MSRA: variants seen among roughly 807,000 people sequenced by gnomAD.
MSRA encodes the protein mitochondrial peptide methionine sulfoxide reductase.
In MSRA, 54 loss-of-function variants were observed where a neutral mutation model predicts 31.3. The observed-to-expected ratio is 1.73, with a 90% CI of 1.39 to 2.17. The LOEUF is 2.17. MSRA is among the 30% of genes most tolerant of loss of function. MSRA has a pLI of 0.00. For missense variants in MSRA, 507 were observed against 300.9 expected (o/e 1.69, Z -5.07); for synonymous variants, 169 against 116.5 (o/e 1.45, Z -2.90).
chr8:10,217,335 G>A (rs1163291159), intron 2 of MSRA, among the ~76,000 whole-genome samples: 2 of 152,178 alleles, frequency 1.3e-5, no homozygotes, highest in Admixed American at 1.3e-4. Context: ...CTTTGGGCTC[G>A]TGACCCTCTC....
At chr8:10,388,047 C>T (rs116937423) in intron 5 of MSRA, among the ~76,000 whole-genome samples, 157 of 152,236 alleles carry the variant, frequency 1.0e-3, no homozygotes, top group Admixed American at 1.9e-3. Context: ...TCCAATGGAG[C>T]CCTTGTAACA....
At chr8:10,234,846 TA>T (rs893341689) in intron 2 of MSRA, among the ~76,000 whole-genome samples, 15 of 152,068 alleles carry the variant, frequency 9.9e-5, no homozygotes, top group African/African-American at 2.9e-4. Flanking sequence ...TTAAAAATAC[TA>T]AACAATAACA....
At chr8:10,339,672 G>C (rs1803292790) in intron 5 of MSRA, among the ~76,000 whole-genome samples, 1 of 151,098 alleles carries the variant, frequency 6.6e-6, no homozygotes, top group South Asian at 2.1e-4. Flanking sequence ...CTCCCGACTA[G>C]GTGGGGCTAC....
At chr8:10,079,361 C>T (rs185497722) in intron 1 of MSRA, among the ~76,000 whole-genome samples, 163 of 152,164 alleles carry the variant, frequency 1.1e-3, no homozygotes, top group African/African-American at 3.7e-3. Flanking sequence ...CGCCATGTTG[C>T]CCAGGCTTGT....
intron 1 of MSRA, among the ~76,000 whole-genome samples, chr8:10,114,678 G>C (rs1216686551): frequency 6.6e-6 from 1 of 152,186 alleles, no homozygotes; most frequent in Non-Finnish European, 1.5e-5. Context: ...GTGGATAATT[G>C]AAGTGACGGG....
At chr8:10,246,082 C>T (rs945817654) in intron 3 of MSRA, among the ~76,000 whole-genome samples, 1 of 152,210 alleles carries the variant, frequency 6.6e-6, no homozygotes, top group Non-Finnish European at 1.5e-5. Flanking sequence ...TAGGCCAAAT[C>T]CCACTTGCTG....
At chr8:10,144,571 G>T (rs1802978006) in intron 1 of MSRA, among the ~76,000 whole-genome samples, 1 of 152,152 alleles carries the variant, frequency 6.6e-6, no homozygotes, top group Admixed American at 6.5e-5. Flanking sequence ...CCAAATACCA[G>T]TAAGGTGTTG....
At chr8:10,070,188 G>A (rs928436678) in intron 1 of MSRA, among the ~76,000 whole-genome samples, 7 of 152,196 alleles carry the variant, frequency 4.6e-5, no homozygotes, top group African/African-American at 1.7e-4. Context: ...TATCAAGGGA[G>A]CAAAAATGTC....
intron 5 of MSRA, among the ~76,000 whole-genome samples, chr8:10,427,944 G>A (rs544746002): frequency 6.6e-6 from 1 of 152,340 alleles, no homozygotes; most frequent in East Asian, 1.9e-4. Context: ...CCTGATTTCA[G>A]TTCCCAGTCA....
chr8:10,115,307 G>T (rs1033239535), intron 1 of MSRA, among the ~76,000 whole-genome samples: 1 of 152,208 alleles, frequency 6.6e-6, no homozygotes, highest in African/African-American at 2.4e-5. Flanking sequence ...TGGAATGGAA[G>T]AGAGACCAGC....
intron 5 of MSRA, chr8:10,411,706 A>G (rs924773450): frequency 6.6e-6 from 1 of 152,260 alleles, no homozygotes; most frequent in Non-Finnish European, 1.5e-5. Flanking sequence ...TATTGTCTTA[A>G]TCAGTGAATA....
chr8:10,303,073 A>T (rs903937284), intron 4 of MSRA, among the ~76,000 whole-genome samples: 1 of 152,192 alleles, frequency 6.6e-6, no homozygotes, highest in African/African-American at 2.4e-5. Flanking sequence ...CAGCCATTTG[A>T]CTGTCAAAGT....
intron 5 of MSRA, among the ~76,000 whole-genome samples, chr8:10,354,824 C>T (rs1417128992): frequency 6.7e-6 from 1 of 150,244 alleles, no homozygotes; most frequent in Non-Finnish European, 1.5e-5. Flanking sequence ...ACTATGTAGT[C>T]TCATTGAATG....
intron 5 of MSRA, among the ~76,000 whole-genome samples, chr8:10,383,852 G>A (rs1383295828): frequency 6.6e-6 from 1 of 152,172 alleles, no homozygotes; most frequent in African/African-American, 2.4e-5. Context: ...CACAGCTAAA[G>A]ACAGAGCATT....
chr8:10,113,979 CT>C (rs1257113845), intron 1 of MSRA, among the ~76,000 whole-genome samples: 2 of 152,180 alleles, frequency 1.3e-5, no homozygotes, highest in Non-Finnish European at 2.9e-5. Flanking sequence ...CCTCTTCCCC[CT>C]GTCCTTGGCA....
intron 1 of MSRA, among the ~76,000 whole-genome samples, chr8:10,150,949 A>G (rs1484545521): frequency 1.3e-5 from 2 of 152,010 alleles, no homozygotes; most frequent in Admixed American, 6.6e-5. Context: ...CGCTCCCTGG[A>G]CACCACTGGT....
chr8:10,392,747 A>G (rs1349721333), intron 5 of MSRA, among the ~76,000 whole-genome samples: 1 of 150,314 alleles, frequency 6.7e-6, no homozygotes, highest in South Asian at 2.1e-4. Context: ...GTGCATTCCC[A>G]TACTAAAAAA....
chr8:10,132,832 G>C (rs1801993323), intron 1 of MSRA, among the ~76,000 whole-genome samples: 2 of 152,234 alleles, frequency 1.3e-5, no homozygotes, highest in South Asian at 2.1e-4. Flanking sequence ...AATAGTTGCA[G>C]AGTAGGTACA....
At position 10,206,343 on chromosome 8, in the gene MSRA, A is replaced by C. The variant is rs568622715; in HGVS notation, c.143-1490A>C. 1.9e-4 allele frequency among the ~76,000 whole-genome samples: 29 copies of C among 152,280 alleles called. 1 individual carries two copies. The East Asian group carries it at 4.8e-3, about 25-fold the overall frequency. On this transcript the variant is annotated intron_variant, in intron 1 of 5. Coordinates refer to ENST00000317173, the MANE Select transcript of MSRA (RefSeq NM_012331.5). ...TGCCAGTTAGTGGCTACAGACCTCT[A>C]TAAGGCCACTGAGCCCACCACCTTG...
Sources: allele counts gnomAD v4.1 joint callset (sites outside exome capture counted in the v4.1 genomes callset), GRCh38; gene constraint gnomAD v4.1.1; transcripts MANE v1.5; gene names NCBI Gene and HGNC (gene_info 2026-07-23, HGNC 2026-07-21).